The following ESRRB variants were observed in gnomAD, a reference collection of about 807,000 sequenced individuals.
ESRRB encodes steroid hormone receptor ERR2.
In ESRRB, 16 loss-of-function variants were observed where a neutral mutation model predicts 46.0. The observed-to-expected ratio is 0.35, with a 90% CI of 0.24 to 0.53. ESRRB has a LOEUF of 0.53. Ranked by LOEUF, ESRRB falls within the 20% of genes least tolerant of loss-of-function variation. The pLI, the probability that ESRRB is intolerant of heterozygous loss-of-function variation, is 0.93. For missense variants in ESRRB, 488 were observed against 607.4 expected, an observed-to-expected ratio of 0.80 and a Z score of 2.07; for synonymous variants, 246 against 259.6, an observed-to-expected ratio of 0.95 and a Z score of 0.50.
In ESRRB at chr14:76,351,107, C is replaced by A. The variant is rs115739379; in HGVS notation, c.2+40191C>A. Among the ~76,000 whole-genome samples, 1,074 of 152,292 alleles carry A rather than the reference C, an allele frequency of 7.1e-3. 15 individuals are homozygous for A. Among genetic ancestry groups the A allele is most frequent in the African/African-American group, 0.025 (1,022 of 41,558 alleles). On this transcript the variant is annotated intron_variant, in intron 1 of 6. Coordinates refer to the ESRRB transcript ENST00000512784. ...CCTGTGCATCACCTCAGTATTCCCC[C>A]AACCCTGGCCACTGTGGGGCTGGAG...
At chr14:76,334,191 G>T (rs1884098055) in intron 1 of ESRRB, among the ~76,000 whole-genome samples, 1 of 152,196 alleles carries the variant, frequency 6.6e-6, no homozygotes, top group Admixed American at 6.5e-5. Context: ...AGAGCAGGAA[G>T]CCAGAGGGGC....
chr14:76,442,310 T>G (rs2139940486), intron 2 of ESRRB, among the ~76,000 whole-genome samples: 1 of 152,198 alleles, frequency 6.6e-6, no homozygotes, highest in Non-Finnish European at 1.5e-5. Flanking sequence ...ACCCTGTCTC[T>G]ACTAAAAATA....
At chr14:76,318,245 A>G (rs182987144) in intron 1 of ESRRB, among the ~76,000 whole-genome samples, 7 of 152,282 alleles carry the variant, frequency 4.6e-5, no homozygotes, top group Non-Finnish European at 5.9e-5. Context: ...GTCCTTTAGC[A>G]GAGTTGGAAG....
intron 1 of ESRRB, among the ~76,000 whole-genome samples, chr14:76,394,906 A>T (rs1885611173): frequency 1.3e-5 from 2 of 152,342 alleles, no homozygotes; most frequent in Admixed American, 6.5e-5. Context: ...TTCCCATGTA[A>T]GAAAATTAAA....
Position 76,376,672 on chromosome 14 carries a change from C to CACT in ESRRB, c.50+222_50+224dup, listed in dbSNP as rs1884778968. Among the ~76,000 whole-genome samples, 1 of 152,222 alleles carries CACT rather than the reference C, an allele frequency of 6.6e-6. No homozygotes were observed. Among genetic ancestry groups the CACT allele is most frequent in the South Asian group, 2.1e-4 (1 of 4,834 alleles). Reference sequence around the variant, plus strand: ...TCCCGCACCCCCTTTTACAAATCCACACTTTCAGGCAAGAGTGGCGCTTTC... The same window carrying CACT: ...TCCCGCACCCCCTTTTACAAATCCACACTACTTTCAGGCAAGAGTGGCGCTTTC... On this transcript the variant is annotated intron_variant, in intron 1 of 6. Transcript: ENST00000644823. This position sits in a 1 kb window ranked among gnomAD's most constrained non-coding sequence, Gnocchi z 4.1.
At chr14:76,379,021 G>A (rs1884897778) in intron 1 of ESRRB, among the ~76,000 whole-genome samples, 2 of 152,164 alleles carry the variant, frequency 1.3e-5, no homozygotes, top group African/African-American at 4.8e-5. Flanking sequence ...AGTTGAGGGA[G>A]GAGGAACTCT....
At position 76,500,838 on chromosome 14, in the gene ESRRB, C is replaced by T. The variant is rs1016243565; in HGVS notation, c.*2380C>T. 1 of 1,133,410 alleles carries T rather than the reference C, an allele frequency of 8.8e-7. No homozygotes were observed. The highest frequency in any genetic ancestry group is 1.3e-6 in the Non-Finnish European group (1 of 743,436). The allele number at this position is 1,133,410 out of a possible 1,614,324, so 70.2% of individuals were successfully genotyped here. ...CCTCTAGCAGAGTGGGGCGGAAGTC[C>T]TGATGGTTGGTGTCCATGAGGTGGA... On this transcript the variant is annotated 3_prime_UTR_variant, in exon 7 of 7. Transcript: ENST00000644823.
intron 3 of ESRRB, among the ~76,000 whole-genome samples, chr14:76,471,439 A>G (rs7156435): frequency 0.16 from 24,562 of 151,800 alleles, 2,179 homozygotes; most frequent in Middle Eastern, 0.21. Context: ...GGTCTTCAAG[A>G]CCTTGCATGG....
chr14:76,497,702 C>T (rs1299301528), intron 6 of ESRRB, among the ~76,000 whole-genome samples: 2 of 152,094 alleles, frequency 1.3e-5, no homozygotes, highest in African/African-American at 4.8e-5. Flanking sequence ...TGCCTGGCAG[C>T]GGCAGCTGCA....
chr14:76,477,379 G>A (rs912870534), intron 3 of ESRRB, among the ~76,000 whole-genome samples: 2 of 152,206 alleles, frequency 1.3e-5, no homozygotes, highest in Admixed American at 1.3e-4. Flanking sequence ...TTGGCAGGAG[G>A]GTGGTAGAAG....
rs1019990138 is a variant in ESRRB, at chr14:76,439,229, G to C, written c.51-112G>C. 1.5e-5 allele frequency: 19 copies of C among 1,239,340 alleles called. No homozygotes were observed. The African/African-American group carries it at 2.7e-4, about 17-fold the overall frequency. 76.8% of individuals were successfully genotyped at this position (1,239,340 alleles called of 1,614,324 possible). ...TGACCTTCTCCACCGTTGTTTTATC[G>C]CACCAAAGCCTTAGCATAGAGCCCT... On this transcript the variant is annotated intron_variant, in intron 1 of 6. Transcript: ENST00000644823.
intron 1 of ESRRB, among the ~76,000 whole-genome samples, chr14:76,378,258 T>A (rs2139793815): frequency 6.6e-6 from 1 of 152,180 alleles, no homozygotes; most frequent in East Asian, 1.9e-4. Context: ...AGTACATTCT[T>A]TGATTATGCT....
intron 1 of ESRRB, among the ~76,000 whole-genome samples, chr14:76,431,029 G>A (rs1300892689): frequency 6.6e-6 from 1 of 152,216 alleles, no homozygotes; most frequent in Non-Finnish European, 1.5e-5. Flanking sequence ...GGGCCTGATG[G>A]CTCATGCCTG....
chr14:76,330,922 C>A (rs76265325), intron 1 of ESRRB, among the ~76,000 whole-genome samples: 1 of 152,060 alleles, frequency 6.6e-6, no homozygotes, highest in East Asian at 1.9e-4. Context: ...CTCTTGTACC[C>A]CCAAATCAAT....
intron 1 of ESRRB, among the ~76,000 whole-genome samples, chr14:76,398,832 A>G (rs1279185875): frequency 2.0e-5 from 3 of 152,178 alleles, no homozygotes; most frequent in Non-Finnish European, 2.9e-5. Context: ...GCTAGCACAC[A>G]GTGGAGTCTG....
intron 3 of ESRRB, among the ~76,000 whole-genome samples, chr14:76,468,765 A>G (rs1889235781): frequency 6.6e-6 from 1 of 152,172 alleles, no homozygotes; most frequent in African/African-American, 2.4e-5. Flanking sequence ...TCCTAGAGTT[A>G]TACTGTGAAG....
At chr14:76,332,879 ATATAT>A (rs1884052501) in intron 1 of ESRRB, among the ~76,000 whole-genome samples, 11 of 27,602 alleles carry the variant, frequency 4.0e-4, no homozygotes, top group Admixed American at 7.0e-4. Flanking sequence ...ATATTTTTTT[ATATAT>A]TATATATTTA....
At chr14:76,348,715 G>A (rs1478271106) in intron 1 of ESRRB, among the ~76,000 whole-genome samples, 2 of 152,154 alleles carry the variant, frequency 1.3e-5, no homozygotes, top group Non-Finnish European at 2.9e-5. Flanking sequence ...CTTTGTGTCT[G>A]GGCAAGTGCA....
At position 76,381,842 on chromosome 14, in the gene ESRRB, G is replaced by A. The variant is rs1243152927; in HGVS notation, c.50+5391G>A. 3.3e-5 allele frequency among the ~76,000 whole-genome samples: 5 copies of A among 152,154 alleles called. No homozygotes were observed. In the East Asian group the frequency reaches 7.7e-4, roughly 23 times the overall value. ...GGCTCAATTTGTTTCTGAGAACAGA[G>A]ACCTCACCAGTTAACCATCCAACAA... On this transcript the variant is annotated intron_variant, in intron 1 of 6. Coordinates refer to ENST00000644823, the MANE Select transcript of ESRRB (RefSeq NM_001379180.1).
Sources: allele counts gnomAD v4.1 joint callset (sites outside exome capture counted in the v4.1 genomes callset), GRCh38; gene constraint gnomAD v4.1.1; non-coding constraint Gnocchi (gnomAD v3.1); transcripts MANE v1.5; gene names NCBI Gene and HGNC (gene_info 2026-07-23, HGNC 2026-07-21).